Variants in ABLIM1 observed in about 807,000 individuals in gnomAD.
ABLIM1 encodes the protein actin-binding LIM protein 1.
ABLIM1 carries 40 observed loss-of-function variants against 107.0 expected under a neutral mutation model. That is an observed-to-expected ratio of 0.37 (90% CI 0.29 to 0.49). ABLIM1 has a LOEUF of 0.49. Among genes scored for constraint, ABLIM1 ranks in the 20% least tolerant of loss-of-function variants. The pLI is 0.97. For synonymous variants in ABLIM1, 357 were observed against 357.3 expected (o/e 1.00, Z 0.01); for missense variants, 857 against 1,008.5 (o/e 0.85, Z 2.04).
At chr10:114,526,211 G>T (rs1369375551) in intron 6 of ABLIM1, among the ~76,000 whole-genome samples, 1 of 151,856 alleles carries the variant, frequency 6.6e-6, no homozygotes, top group East Asian at 1.9e-4. Flanking sequence ...TCATTCCCAC[G>T]TGCCACTTCC....
intron 12 of ABLIM1, chr10:114,465,431 A>T (rs528470848): frequency 2.9e-5 from 8 of 271,324 alleles, no homozygotes; most frequent in African/African-American, 1.8e-4. Flanking sequence ...AATCGTAAAA[A>T]AATTTTTAAA....
chr10:114,569,219 A>G (rs1261890953), intron 4 of ABLIM1, among the ~76,000 whole-genome samples: 1 of 152,224 alleles, frequency 6.6e-6, no homozygotes, highest in African/African-American at 2.4e-5. Context: ...CACAATGAGG[A>G]CACAGCCATT....
chr10:114,516,941 C>A (rs974200549), intron 6 of ABLIM1, among the ~76,000 whole-genome samples: 2 of 152,162 alleles, frequency 1.3e-5, no homozygotes, highest in Admixed American at 1.3e-4. Flanking sequence ...CTGGCTGGTG[C>A]TTTTCTGGGA....
intron 6 of ABLIM1, among the ~76,000 whole-genome samples, chr10:114,530,820 C>T (rs1013100571): frequency 2.0e-5 from 3 of 152,290 alleles, no homozygotes; most frequent in Middle Eastern, 3.4e-3. Context: ...AGGCGTGAGC[C>T]ACCACACCCA....
rs2072415486 is a variant in ABLIM1, at chr10:114,575,619, C to T, written c.380-20G>A. ...CACACACTGTAGAGAGACAAGTTCA[C>T]ATCTGGTCATTATCTGCCACACTGC... On this transcript the variant is annotated intron_variant, in intron 2 of 22. Transcript: ENST00000533213. The T allele has an allele frequency of 6.2e-7, 1 of 1,606,016 alleles. No homozygotes were observed. The highest frequency in any genetic ancestry group is 1.7e-5 in the Admixed American group (1 of 59,546).
intron 1 of ABLIM1, chr10:114,613,568 T>C (rs2076950044): frequency 1.3e-6 from 1 of 779,140 alleles, no homozygotes; most frequent in Non-Finnish European, 1.9e-6. Flanking sequence ...ATTCAAGTGC[T>C]TATAAATTTC....
chr10:114,770,284 G>T (rs1474845968), upstream of ABLIM1, among the ~76,000 whole-genome samples: 1 of 152,056 alleles, frequency 6.6e-6, no homozygotes. Context: ...AGATACTAGG[G>T]TTACAATGGT....
rs559154175 is a variant in ABLIM1 at position 114,714,391 on chromosome 10, C to G, written c.-213+53670G>C. ...TTTCAGCCATGGCACTCCTGGGTCA[C>G]CAGCCAAACACAGCCATTTAAAAAG... is the stretch of plus-strand genomic sequence containing the variant. On this transcript the variant is annotated intron_variant, in intron 1 of 15. Transcript: ENST00000651092. 5.3e-5 allele frequency among the ~76,000 whole-genome samples: 8 copies of G among 152,240 alleles called. 1 individual carries two copies. In the Middle Eastern group the frequency reaches 0.017, roughly 324 times the overall value.
intron 1 of ABLIM1, among the ~76,000 whole-genome samples, chr10:114,745,203 A>G (rs1256182150): frequency 6.6e-6 from 1 of 152,184 alleles, no homozygotes; most frequent in Admixed American, 6.5e-5. Flanking sequence ...AAAAGAGTCT[A>G]TTCTCTTAAC....
chr10:114,642,966 C>A (rs1425568122), intron 1 of ABLIM1, among the ~76,000 whole-genome samples: 1 of 152,194 alleles, frequency 6.6e-6, no homozygotes, highest in Non-Finnish European at 1.5e-5. Context: ...AAGAAACTTA[C>A]ACCTGCCAAA....
At chr10:114,462,221 G>A (rs1174056616) in intron 12 of ABLIM1, among the ~76,000 whole-genome samples, 1 of 152,194 alleles carries the variant, frequency 6.6e-6, no homozygotes, top group Non-Finnish European at 1.5e-5. Context: ...ACTGTTTTAA[G>A]ACCTGTGATA....
chr10:114,436,455 T>C (rs975304670), intron 22 of ABLIM1, 82 bp from the exon 23 acceptor site: 1 of 1,017,916 alleles, frequency 9.8e-7, no homozygotes, highest in Non-Finnish European at 1.5e-6. Flanking sequence ...CTATAGTTTA[T>C]ACAGAGTCAT....
chr10:114,614,980 G>A (rs576823275), intron 1 of ABLIM1, among the ~76,000 whole-genome samples: 2 of 151,292 alleles, frequency 1.3e-5, no homozygotes, highest in African/African-American at 2.4e-5. Flanking sequence ...AACCTGGGGG[G>A]CAGAGATTGC....
chr10:114,546,069 G>C (rs1321089080), intron 5 of ABLIM1, among the ~76,000 whole-genome samples: 2 of 151,956 alleles, frequency 1.3e-5, no homozygotes, highest in Non-Finnish European at 2.9e-5. Context: ...CAGCTCTCAG[G>C]AGGCCTCCGG....
At chr10:114,508,535 T>C (rs2061447701) in intron 6 of ABLIM1, among the ~76,000 whole-genome samples, 1 of 151,994 alleles carries the variant, frequency 6.6e-6, no homozygotes, top group Non-Finnish European at 1.5e-5. Context: ...CCTGTCACTA[T>C]AAAAAGTAAT....
At chr10:114,570,129 C>T (rs2071429964) in intron 4 of ABLIM1, among the ~76,000 whole-genome samples, 1 of 152,194 alleles carries the variant, frequency 6.6e-6, no homozygotes, top group African/African-American at 2.4e-5. Context: ...TATTCCAAAT[C>T]TCCCAAGGAC....
chr10:114,589,726 T>TA (rs1212032419), intron 2 of ABLIM1, among the ~76,000 whole-genome samples: 1 of 152,176 alleles, frequency 6.6e-6, no homozygotes, highest in African/African-American at 2.4e-5. Flanking sequence ...TTTCTTTTTT[T>TA]AGAGTTTGTT....
chr10:114,635,937 A>T (rs1244961330), intron 1 of ABLIM1, among the ~76,000 whole-genome samples: 1 of 152,228 alleles, frequency 6.6e-6, no homozygotes, highest in African/African-American at 2.4e-5. Context: ...GCATCAATCA[A>T]TCTCATTTCA....
chr10:114,791,620 A>G, the ABLIM1 span, among the ~76,000 whole-genome samples: 2 of 152,080 alleles, frequency 1.3e-5, no homozygotes, highest in South Asian at 2.1e-4. Flanking sequence ...CCTGGACGAC[A>G]GAGCAAGATT....
Sources: allele counts gnomAD v4.1 joint callset (sites outside exome capture counted in the v4.1 genomes callset), GRCh38; gene constraint gnomAD v4.1.1; transcripts MANE v1.5; gene names NCBI Gene and HGNC (gene_info 2026-07-23, HGNC 2026-07-21).